The following IGF2R variants were observed in gnomAD, a reference collection of about 807,000 sequenced individuals.
IGF2R encodes cation-independent mannose-6-phosphate receptor.
A neutral mutation model predicts 270.6 loss-of-function variants in IGF2R; 91 were observed. That is an observed-to-expected ratio of 0.34 (90% CI 0.28 to 0.40). The LOEUF (loss-of-function observed/expected upper bound fraction) is 0.40. Among genes scored for constraint, IGF2R ranks in the 10% least tolerant of loss-of-function variants. The pLI is 1.00. For synonymous variants in IGF2R, 1,316 were observed against 1,258.9 expected (o/e 1.05, Z -0.96); for missense variants, 2,805 against 3,188.3 (o/e 0.88, Z 2.90).
rs897067767 is a variant in IGF2R, at chr6:159,975,385, G to T, written c.149+5990G>T. Reference sequence around the variant, plus strand: ...CTCACTACCCTCCAGGAATTGCCGTGCATTCAACTATTTGGAAGCTCCCCC... The same window carrying T: ...CTCACTACCCTCCAGGAATTGCCGTTCATTCAACTATTTGGAAGCTCCCCC... On this transcript the variant is annotated intron_variant, in intron 1 of 47. Transcript: ENST00000356956. Among the ~76,000 whole-genome samples, 3 of 152,156 alleles carry T rather than the reference G, an allele frequency of 2.0e-5. No homozygotes were observed. In the South Asian group the frequency reaches 6.2e-4, roughly 32 times the overall value.
At chr6:160,095,108 C>A (rs1284754498) in intron 44 of IGF2R, 1 of 152,086 alleles carries the variant, frequency 6.6e-6, no homozygotes, top group Non-Finnish European at 1.5e-5. Context: ...CTACCTCTGG[C>A]CTCTGATTCT....
rs747686315 is a variant in IGF2R at position 160,043,177 on chromosome 6, G to A, written c.1510G>A (p.Gly504Ser). 6.2e-7 allele frequency: 1 copy of A among 1,614,122 alleles called. No homozygotes were observed. Among genetic ancestry groups the A allele is most frequent in the Non-Finnish European group, 8.5e-7 (1 of 1,180,010 alleles). ...AGAGCAGAATTGGGAAGCTGTGGAT[G>A]GCAGTCAGACGGAAACAGAGAAGAA... ...EPEQNWEAVD[G>S]SQTETEKKHF... Residue 504 changes from glycine to serine, a missense_variant, in exon 12 of 48, where the codon GGC (glycine) becomes AGC (serine). Gly to Ser is a moderately conservative substitution (Grantham distance 56). Transcript: ENST00000356956.
chr6:160,033,337 A>G (rs1176123336), intron 9 of IGF2R, among the ~76,000 whole-genome samples: 2 of 152,160 alleles, frequency 1.3e-5, no homozygotes, highest in African/African-American at 4.8e-5. Context: ...GAGTTTTGCC[A>G]TGTTGCCCAC....
In IGF2R at chr6:160,061,907, G is replaced by C. The variant is rs766762205; in HGVS notation, c.3561G>C (p.Thr1187=). 1 of 1,614,178 alleles carries C rather than the reference G, an allele frequency of 6.2e-7. No individual in the cohort carries two copies. The highest frequency in any genetic ancestry group is 8.5e-7 in the Non-Finnish European group (1 of 1,180,018). Residue 1187 remains threonine (T), a synonymous_variant, in exon 25 of 48, where the codon ACG becomes ACC. Coordinates refer to ENST00000356956, the MANE Select transcript of IGF2R (RefSeq NM_000876.4). The part of the protein sequence containing the change: ...CGNQRFSTRI[T]FECAQISGSP... ...ACCAGCGCTTCTCCACCAGGATCACGTTTGAGTGTGCTCAGATATCGGTGT... is the reference window on the plus strand; with the variant it reads ...ACCAGCGCTTCTCCACCAGGATCACCTTTGAGTGTGCTCAGATATCGGTGT...
At chr6:159,992,042 G>A (rs8191711) in intron 2 of IGF2R, among the ~76,000 whole-genome samples, 11,369 of 152,270 alleles carry the variant, frequency 0.075, 577 homozygotes, top group Non-Finnish European at 0.11. Context: ...TGGCAACATG[G>A]ATGTCCGTGG....
chr6:160,064,459 G>A lies in IGF2R; in HGVS notation c.3945G>A (p.Gly1315=). 3 of 1,614,106 alleles carry A rather than the reference G, an allele frequency of 1.9e-6. No homozygotes were observed. Among genetic ancestry groups the A allele is most frequent in the Non-Finnish European group, 2.5e-6 (3 of 1,179,990 alleles). The part of the protein sequence containing the change: ...ENGLLKMNFT[G]GDTCHKVYQR... Reference sequence around the variant, plus strand: ...GCTTGTTAAAAATGAACTTCACGGGGGGGGACACTTGCCATAAGGTTTATC... The same window carrying A: ...GCTTGTTAAAAATGAACTTCACGGGAGGGGACACTTGCCATAAGGTTTATC... Residue 1315 remains glycine (G), a synonymous_variant, in exon 28 of 48, where the codon GGG becomes GGA. Coordinates refer to ENST00000356956, the MANE Select transcript of IGF2R (RefSeq NM_000876.4).
At position 159,991,967 on chromosome 6, in the gene IGF2R, A is replaced by G. The variant is rs531035752; in HGVS notation, c.289+644A>G. Among the ~76,000 whole-genome samples, 166 of 152,350 alleles carry G rather than the reference A, an allele frequency of 1.1e-3. 1 individual carries two copies. Among genetic ancestry groups the G allele is most frequent in the African/African-American group, 4.0e-3 (165 of 41,588 alleles). On this transcript the variant is annotated intron_variant, in intron 2 of 47. Transcript: ENST00000356956. ...GCACCAGGTTACATAGAGTGGAGTCAGGGCAGATGCCTGAAGGAAGGGAGG... is the reference window on the plus strand; with the variant it reads ...GCACCAGGTTACATAGAGTGGAGTCGGGGCAGATGCCTGAAGGAAGGGAGG...
intron 2 of IGF2R, chr6:160,006,086 T>G (rs1249631577): frequency 7.9e-6 from 1 of 126,630 alleles, no homozygotes; most frequent in Non-Finnish European, 1.6e-5. Flanking sequence ...CCCATGCGCC[T>G]CACCCCTCAC....
chr6:160,009,031 C>T lies in IGF2R; in HGVS notation c.311C>T (p.Ala104Val). The T allele has an allele frequency of 6.2e-7, 1 of 1,613,884 alleles. No individual in the cohort carries two copies. The highest frequency in any genetic ancestry group is 8.5e-7 in the Non-Finnish European group (1 of 1,179,790). Residue 104 changes from alanine to valine, a missense_variant, in exon 3 of 48, where the codon GCA becomes GTA. Around this residue, in one of 2 missense-constraint regions of IGF2R, gnomAD observed 954 missense variants for 981.1 expected, o/e 0.97. Coordinates refer to ENST00000356956, the MANE Select transcript of IGF2R (RefSeq NM_000876.4). ...ATAGGTGACTCTGTTTTGAGAAGTG[C>T]AACCAGATCTCTCCTGGAATTCAAC... ...HSVGDSVLRS[A>V]TRSLLEFNTT...
Position 160,102,387 on chromosome 6 carries a change from G to T in IGF2R, c.6843-132G>T. 2 of 999,522 alleles carry T rather than the reference G, an allele frequency of 2.0e-6. No individual in the cohort carries two copies. The highest frequency in any genetic ancestry group is 2.5e-5 in the East Asian group (1 of 40,512). The allele number at this position is 999,522 out of a possible 1,614,324, so 61.9% of individuals were successfully genotyped here. A position where few individuals can be genotyped will look rare whatever the true frequency, so the allele number is the denominator to read the frequency against. Reference sequence around the variant, plus strand: ...AGTGGGACTTGTGGCCTTGTTTTCTGGGCAGGAGTAAGAATCACATGGTGT... The same window carrying T: ...AGTGGGACTTGTGGCCTTGTTTTCTTGGCAGGAGTAAGAATCACATGGTGT... On this transcript the variant is annotated intron_variant, in intron 45 of 47. Transcript: ENST00000356956. The surrounding 1 kb of genome is among the most constrained non-coding windows in gnomAD (Gnocchi z 4.5).
chr6:160,028,300 A>G (rs980448406), intron 6 of IGF2R, among the ~76,000 whole-genome samples: 2 of 152,052 alleles, frequency 1.3e-5, no homozygotes, highest in African/African-American at 4.8e-5. Context: ...GACACCAGTG[A>G]TTTTTTGGAT....
chr6:159,984,114 C>T (rs1406981839), intron 1 of IGF2R, among the ~76,000 whole-genome samples: 1 of 152,204 alleles, frequency 6.6e-6, no homozygotes, highest in Non-Finnish European at 1.5e-5. Flanking sequence ...AGAGGCTGTC[C>T]TCAGATGGGT....
At position 160,062,054 on chromosome 6, in the gene IGF2R, T is replaced by A. The variant is rs1248646324; in HGVS notation, c.3582+126T>A. Reference sequence around the variant, plus strand: ...GTTTTCGTGGAGTTTCAGCCATTGCTAGGGTTTGACGAGAATGCACTCATT... The same window carrying A: ...GTTTTCGTGGAGTTTCAGCCATTGCAAGGGTTTGACGAGAATGCACTCATT... On this transcript the variant is annotated intron_variant, in intron 25 of 47. Coordinates refer to ENST00000356956, the MANE Select transcript of IGF2R (RefSeq NM_000876.4). 4 of 868,020 alleles carry A rather than the reference T, an allele frequency of 4.6e-6. No homozygotes were observed. In the Admixed American group the frequency reaches 9.5e-5, roughly 21 times the overall value. The allele number at this position is 868,020 out of a possible 1,614,324, so 53.8% of individuals were successfully genotyped here. A position where few individuals can be genotyped will look rare whatever the true frequency, so the allele number is the denominator to read the frequency against.
At chr6:160,044,767 A>C (rs573707614) in intron 13 of IGF2R, 110 bp downstream of exon 13, 1 of 876,216 alleles carries the variant, frequency 1.1e-6, no homozygotes, top group East Asian at 2.7e-5. Context: ...ACAGATTGGC[A>C]TGGTGTTCAG....
rs749150894 is a variant in IGF2R at position 160,050,619 on chromosome 6, G to A, written c.2661G>A (p.Thr887=). Residue 887 remains threonine (T), a synonymous_variant, in exon 19 of 48, where the codon ACG becomes ACA. Transcript: ENST00000356956. This position sits in a 1 kb window ranked among gnomAD's most constrained non-coding sequence, Gnocchi z 4.0. ...ATGGCAGACAGACCACATATACCAC[G>A]AGGATCCATCTCGTCTGCTCCAGGG... ...TSDGRQTTYT[T]RIHLVCSRGR... The A allele has an allele frequency of 9.3e-6, 15 of 1,612,638 alleles. No homozygotes were observed. Among genetic ancestry groups the A allele is most frequent in the Middle Eastern group, 1.7e-4 (1 of 6,054 alleles).
In IGF2R at chr6:160,048,671, A is replaced by T. The variant is rs993490871; in HGVS notation, c.2514+128A>T. 1.0e-5 allele frequency: 9 copies of T among 864,554 alleles called. No homozygotes were observed. In the African/African-American group the frequency reaches 1.5e-4, roughly 15 times the overall value. The allele number at this position is 864,554 out of a possible 1,614,324, so 53.6% of individuals were successfully genotyped here. ...GCTCGAGAGAAACCCTCTGAGTAGG[A>T]GTGGGGCCTCCATGTGAACTCATCT... On this transcript the variant is annotated intron_variant, in intron 18 of 47. Coordinates refer to ENST00000356956, the MANE Select transcript of IGF2R (RefSeq NM_000876.4).
rs138299973 is a variant in IGF2R, at chr6:160,089,919, G to A, written c.6471G>A (p.Leu2157=). The stretch of plus-strand genomic sequence containing the variant: ...GTGATCTTTTCTGTCTCTTCAGGCT[G>A]TTCAGAGCCTCTGGGGACATGAGGA... ...SFSLGDIYFK[L]FRASGDMRTN... is the part of the protein sequence containing the mutation. The change falls in exon 44 of 48, where the codon CTG becomes CTA. Residue 2157 remains leucine, a synonymous_variant. Coordinates refer to ENST00000356956, the MANE Select transcript of IGF2R (RefSeq NM_000876.4). 61 of 1,576,504 alleles carry A rather than the reference G, an allele frequency of 3.9e-5. No individual in the cohort carries two copies. In the African/African-American group the frequency reaches 5.3e-4, roughly 14 times the overall value.
rs1316178523 is a variant in IGF2R, at chr6:160,062,461, C to CG, written c.3583-70dup. 16 of 1,209,186 alleles carry CG rather than the reference C, an allele frequency of 1.3e-5. No individual in the cohort carries two copies. The African/African-American group carries it at 2.2e-4, about 17-fold the overall frequency. The allele number at this position is 1,209,186 out of a possible 1,614,324, so 74.9% of individuals were successfully genotyped here. On this transcript the variant is annotated intron_variant, in intron 25 of 47. Coordinates refer to ENST00000356956, the MANE Select transcript of IGF2R (RefSeq NM_000876.4). ...TGCTGAGATTACAGGTGTGAGCCAC[C>CG]GTGCCCGGCCCCATTTGATTAATTT... is the stretch of plus-strand genomic sequence containing the variant.
rs527610916 is a variant in IGF2R at position 160,080,998 on chromosome 6, C to T, written c.5833+723C>T. Among the ~76,000 whole-genome samples the T allele has an allele frequency of 3.4e-4, 51 of 150,242 alleles. No homozygotes were observed. The South Asian group carries it at 6.9e-3, about 20-fold the overall frequency. ...AAAATTAGCTGGGCGTGGTGGCGGGCGCCTGTAGTCCCAGCTACTGGGGAG... is the reference window on the plus strand; with the variant it reads ...AAAATTAGCTGGGCGTGGTGGCGGGTGCCTGTAGTCCCAGCTACTGGGGAG... On this transcript the variant is annotated intron_variant, in intron 39 of 47. Coordinates refer to ENST00000356956, the MANE Select transcript of IGF2R (RefSeq NM_000876.4).
Sources: gnomAD v4.1 joint callset for allele counts (sites outside exome capture counted in the v4.1 genomes callset) on GRCh38, gnomAD v4.1.1 for gene constraint, gnomAD v4.1.1 regional missense constraint, Gnocchi (gnomAD v3.1) non-coding constraint, MANE v1.5 for transcripts, NCBI Gene and HGNC (gene_info 2026-07-23, HGNC 2026-07-21) for gene names.